RBFOX1: variants seen among roughly 807,000 people sequenced by gnomAD.
RBFOX1 encodes RNA binding fox-1 homolog 1, also known as RNA binding protein fox-1 homolog 1.
Under a neutral mutation model 57.7 loss-of-function variants are expected in RBFOX1, and 8 were observed. That is an observed-to-expected ratio of 0.14 (90% CI 0.08 to 0.25). The LOEUF (loss-of-function observed/expected upper bound fraction) is 0.25, where lower values mean the gene tolerates loss of function less well. RBFOX1 is among the 10% of genes least tolerant of loss of function. The probability of loss-of-function intolerance (pLI) is 1.00; values close to 1 mark genes in which losing one functional copy is unlikely to be tolerated. For synonymous variants in RBFOX1, 326 were observed against 222.4 expected (o/e 1.47, Z -4.15); for missense variants, 611 against 548.5 (o/e 1.11, Z -1.14).
At chr16:5,907,587 A>G (rs180995741) in intron 4 of RBFOX1, among the ~76,000 whole-genome samples, 4 of 152,232 alleles carry the variant, frequency 2.6e-5, no homozygotes, top group African/African-American at 9.6e-5. Flanking sequence ...TATGTCCAAT[A>G]CATAAGTACT....
At chr16:6,804,166 C>T (rs547087236) in intron 3 of RBFOX1, among the ~76,000 whole-genome samples, 33 of 152,146 alleles carry the variant, frequency 2.2e-4, no homozygotes, top group African/African-American at 7.5e-4. Flanking sequence ...CGCCACCATG[C>T]CCAGCTAACT....
intron 2 of RBFOX1, among the ~76,000 whole-genome samples, chr16:6,407,425 A>C (rs2093320498): frequency 6.6e-6 from 1 of 152,078 alleles, no homozygotes; most frequent in Non-Finnish European, 1.5e-5. Flanking sequence ...CTATGCTTAT[A>C]TACTATCTCT....
At chr16:7,580,354 T>C (rs144942174) in intron 6 of RBFOX1, among the ~76,000 whole-genome samples, 287 of 152,276 alleles carry the variant, frequency 1.9e-3, no homozygotes, top group Non-Finnish European at 2.5e-3. Flanking sequence ...TGCCTAGTCT[T>C]TCCCAGGCAC....
intron 3 of RBFOX1, among the ~76,000 whole-genome samples, chr16:6,887,011 T>A (rs2064209479): frequency 1.3e-5 from 2 of 152,204 alleles, no homozygotes. Flanking sequence ...TTCCACTTTC[T>A]GGTTTGATTA....
intron 3 of RBFOX1, among the ~76,000 whole-genome samples, chr16:6,987,379 C>A (rs1254284660): frequency 6.6e-6 from 1 of 151,190 alleles, no homozygotes; most frequent in African/African-American, 2.4e-5. Flanking sequence ...TCATCACTAC[C>A]ATGGTTTCTG....
chr16:6,478,206 GC>G (rs1222472748), intron 2 of RBFOX1, among the ~76,000 whole-genome samples: 2 of 146,740 alleles, frequency 1.4e-5, no homozygotes, highest in Non-Finnish European at 3.0e-5. Context: ...CAGGAGCCTA[GC>G]TTTTAGCCTG....
intron 1 of RBFOX1, among the ~76,000 whole-genome samples, chr16:5,450,779 T>C (rs1190862722): frequency 6.6e-6 from 1 of 152,160 alleles, no homozygotes; most frequent in Non-Finnish European, 1.5e-5. Context: ...CTTGTGACTT[T>C]GGGTAGCCTC....
intron 3 of RBFOX1, among the ~76,000 whole-genome samples, chr16:6,750,416 G>C (rs947896296): frequency 6.6e-6 from 1 of 152,148 alleles, no homozygotes; most frequent in African/African-American, 2.4e-5. Flanking sequence ...CTGAAACCAG[G>C]GTGGCTCAGG....
chr16:7,652,022 A>T (rs941035278), intron 11 of RBFOX1, among the ~76,000 whole-genome samples: 1 of 151,184 alleles, frequency 6.6e-6, no homozygotes, highest in Non-Finnish European at 1.5e-5. Context: ...AGAAGGGAGG[A>T]AGGGCATCCC....
intron 3 of RBFOX1, among the ~76,000 whole-genome samples, chr16:6,871,537 C>A (rs551855044): frequency 2.0e-5 from 3 of 152,078 alleles, no homozygotes; most frequent in Non-Finnish European, 4.4e-5. Context: ...GCCCAGAGAT[C>A]AACTCCAGTG....
At chr16:6,607,326 C>T (rs142969130) in intron 2 of RBFOX1, among the ~76,000 whole-genome samples, 15 of 152,260 alleles carry the variant, frequency 9.9e-5, no homozygotes, top group African/African-American at 2.9e-4. Flanking sequence ...AAAAATCAAG[C>T]ATTAGGATAT....
chr16:5,346,255 C>T (rs2065137138), intron 1 of RBFOX1, among the ~76,000 whole-genome samples: 3 of 152,148 alleles, frequency 2.0e-5, no homozygotes, highest in Admixed American at 2.0e-4. Flanking sequence ...AGTTATAAGA[C>T]AGGGAATAAA....
intron 4 of RBFOX1, among the ~76,000 whole-genome samples, chr16:7,388,644 C>CTTTTTTTTT (rs61629644): frequency 4.3e-5 from 4 of 92,620 alleles, no homozygotes; most frequent in African/African-American, 8.4e-5. Context: ...GTTTCACTTA[C>CTTTTTTTTT]TTTTTTTTTT....
chr16:6,113,484 T>G (rs1382660434), intron 1 of RBFOX1, among the ~76,000 whole-genome samples: 1 of 152,244 alleles, frequency 6.6e-6, no homozygotes, highest in Non-Finnish European at 1.5e-5. Flanking sequence ...TTGTGTGGAC[T>G]TGTTGATGGT....
chr16:5,578,154 G>C (rs1179259903), intron 2 of RBFOX1, among the ~76,000 whole-genome samples: 1 of 152,138 alleles, frequency 6.6e-6, no homozygotes, highest in Admixed American at 6.5e-5. Context: ...GTTTCAGCAT[G>C]TTGGCCATGA....
At chr16:5,617,688 C>G (rs1483777550) in intron 3 of RBFOX1, among the ~76,000 whole-genome samples, 1 of 152,182 alleles carries the variant, frequency 6.6e-6, no homozygotes, top group Non-Finnish European at 1.5e-5. Flanking sequence ...CCCTGGAAAG[C>G]TAGTGTTTTT....
At chr16:7,575,095 A>T (rs2093197882) in intron 5 of RBFOX1, among the ~76,000 whole-genome samples, 1 of 152,010 alleles carries the variant, frequency 6.6e-6, no homozygotes, top group South Asian at 2.1e-4. Context: ...GTAACTAAGG[A>T]TCAACACAAA....
At chr16:5,916,688 T>C (rs2152219870) in intron 4 of RBFOX1, among the ~76,000 whole-genome samples, 1 of 152,026 alleles carries the variant, frequency 6.6e-6, no homozygotes, top group Non-Finnish European at 1.5e-5. Flanking sequence ...GCCCCACAGG[T>C]GGTTGTCAGG....
chr16:6,648,987 A>C (rs536008627), intron 2 of RBFOX1, among the ~76,000 whole-genome samples: 1 of 152,126 alleles, frequency 6.6e-6, no homozygotes, highest in Admixed American at 6.5e-5. Flanking sequence ...CTACTTTCTT[A>C]GCAATTTTCA....
Sources: gnomAD v4.1 joint callset for allele counts (sites outside exome capture counted in the v4.1 genomes callset) on GRCh38, gnomAD v4.1.1 for gene constraint, MANE v1.5 for transcripts, NCBI Gene and HGNC (gene_info 2026-07-23, HGNC 2026-07-21) for gene names.